The following RAPGEF2 variants were observed in gnomAD, a reference collection of about 807,000 sequenced individuals.
The protein encoded by RAPGEF2 is PDZ domain containing guanine nucleotide exchange factor (GEF) 1.
RAPGEF2 carries 54 observed loss-of-function variants against 186.7 expected under a neutral mutation model. The ratio of observed to expected loss-of-function variants is 0.29; its 90% CI spans 0.23 to 0.36. The LOEUF (loss-of-function observed/expected upper bound fraction) is 0.36. RAPGEF2 is among the 10% of genes least tolerant of loss of function. The pLI is 1.00. For synonymous variants in RAPGEF2, 712 were observed against 705.9 expected (o/e 1.01, Z -0.14); for missense variants, 1,532 against 2,045.0 (o/e 0.75, Z 4.84).
At chr4:159,193,310 C>A (rs1414833005) in intron 3 of RAPGEF2, 54 bp downstream of exon 3, 1 of 1,174,600 alleles carries the variant, frequency 8.5e-7, no homozygotes, top group African/African-American at 1.6e-5. Flanking sequence ...ACTAAATTTT[C>A]TTAAAGTATC....
At chr4:159,237,842 TAAAAAAAAAAAAA>T (rs58593781) in intron 4 of RAPGEF2, among the ~76,000 whole-genome samples, 3,127 of 67,012 alleles carry the variant, frequency 0.047, 177 homozygotes, top group African/African-American at 0.16. Flanking sequence ...CTACAAAAAT[TAAAAAAAAAAAAA>T]AAAAAAAAAA....
At chr4:159,328,319 AAATT>A (rs1766213374) in intron 11 of RAPGEF2, 1 of 152,170 alleles carries the variant, frequency 6.6e-6, no homozygotes, top group African/African-American at 2.4e-5. Context: ...TTTATTTATA[AAATT>A]AATGTGATAC....
intron 7 of RAPGEF2, among the ~76,000 whole-genome samples, chr4:159,283,115 C>T (rs1759954974): frequency 6.6e-6 from 1 of 152,092 alleles, no homozygotes; most frequent in African/African-American, 2.4e-5. Flanking sequence ...AAAACAAGCT[C>T]TTAAGGCTTA....
At chr4:159,117,342 A>G (rs546074086) in intron 1 of RAPGEF2, among the ~76,000 whole-genome samples, 2 of 152,314 alleles carry the variant, frequency 1.3e-5, no homozygotes, top group Non-Finnish European at 2.9e-5. Context: ...CACAAGCTTC[A>G]TTTAGAGTCA....
chr4:159,296,602 C>G (rs573919301), intron 7 of RAPGEF2, among the ~76,000 whole-genome samples: 3 of 152,254 alleles, frequency 2.0e-5, no homozygotes, highest in East Asian at 3.9e-4. Context: ...GAGGTTTCCT[C>G]CTACATAAAA....
intron 3 of RAPGEF2, among the ~76,000 whole-genome samples, chr4:159,204,376 A>C (rs1749751651): frequency 6.6e-6 from 1 of 152,178 alleles, no homozygotes; most frequent in Non-Finnish European, 1.5e-5. Flanking sequence ...AGTTGGAATG[A>C]ACAGAAGGAA....
At chr4:159,315,779 C>T (rs1764516175) in intron 9 of RAPGEF2, among the ~76,000 whole-genome samples, 1 of 152,204 alleles carries the variant, frequency 6.6e-6, no homozygotes, top group Non-Finnish European at 1.5e-5. Flanking sequence ...ATATCAGAGA[C>T]TTTTAGTACT....
chr4:159,319,338 A>G (rs1158246568), intron 9 of RAPGEF2, among the ~76,000 whole-genome samples: 1 of 152,178 alleles, frequency 6.6e-6, no homozygotes, highest in Non-Finnish European at 1.5e-5. Flanking sequence ...TGCATATGCA[A>G]GGGTTCTAAG....
chr4:159,107,755 C>T (rs1257733762), intron 1 of RAPGEF2, among the ~76,000 whole-genome samples: 1 of 152,148 alleles, frequency 6.6e-6, no homozygotes, highest in African/African-American at 2.4e-5. Flanking sequence ...GTAACTTTAG[C>T]TCAGAGAACT....
At chr4:159,158,664 A>G (rs1355668449) in intron 1 of RAPGEF2, among the ~76,000 whole-genome samples, 2 of 152,244 alleles carry the variant, frequency 1.3e-5, no homozygotes, top group East Asian at 1.9e-4. Flanking sequence ...AGAGATGACT[A>G]TAGTCACCTA....
At chr4:159,249,683 C>G (rs1022876806) in intron 7 of RAPGEF2, among the ~76,000 whole-genome samples, 6 of 151,250 alleles carry the variant, frequency 4.0e-5, no homozygotes, top group Non-Finnish European at 8.8e-5. Flanking sequence ...ATTATCTGTA[C>G]TATTTTAATA....
chr4:159,323,107 G>A (rs1234636075), intron 10 of RAPGEF2, among the ~76,000 whole-genome samples: 1 of 152,058 alleles, frequency 6.6e-6, no homozygotes, highest in African/African-American at 2.4e-5. Context: ...TAAATTTAAT[G>A]CATTTTGTCA....
intron 7 of RAPGEF2, among the ~76,000 whole-genome samples, chr4:159,276,930 AATT>A (rs950966667): frequency 1.3e-5 from 2 of 151,656 alleles, no homozygotes; most frequent in Non-Finnish European, 1.5e-5. Context: ...ATCTTTTTTT[AATT>A]ATTATTATAC....
At chr4:159,292,846 T>C (rs1010451677) in intron 7 of RAPGEF2, among the ~76,000 whole-genome samples, 4 of 152,216 alleles carry the variant, frequency 2.6e-5, no homozygotes, top group Non-Finnish European at 4.4e-5. Context: ...TAGATATTAG[T>C]GCTCTCCAAA....
At chr4:159,330,539 T>C in intron 13 of RAPGEF2, 41 bp downstream of exon 13, 1 of 1,435,686 alleles carries the variant, frequency 7.0e-7, no homozygotes, top group African/African-American at 1.4e-5. Flanking sequence ...ATATGAAATG[T>C]AAACCTAAAG....
At chr4:159,128,781 TAAAG>T (rs1218110704) in intron 1 of RAPGEF2, 2 of 150,096 alleles carry the variant, frequency 1.3e-5, no homozygotes, top group African/African-American at 2.4e-5. Flanking sequence ...TTTATTTAAA[TAAAG>T]AAGCTGAACC....
intron 7 of RAPGEF2, chr4:159,267,216 G>A (rs1415805856): frequency 1.5e-5 from 19 of 1,289,006 alleles, no homozygotes; most frequent in Non-Finnish European, 1.9e-5. Flanking sequence ...TTTCCTAAGA[G>A]GAATTTTTTA....
intron 17 of RAPGEF2, among the ~76,000 whole-genome samples, chr4:159,335,093 A>G (rs956079726): frequency 6.6e-5 from 10 of 152,154 alleles, no homozygotes; most frequent in Non-Finnish European, 1.5e-4. Context: ...TAGCAATTAG[A>G]GAAGTCTAGA....
intron 4 of RAPGEF2, among the ~76,000 whole-genome samples, chr4:159,224,104 G>T (rs1342778649): frequency 6.6e-6 from 1 of 152,058 alleles, no homozygotes; most frequent in African/African-American, 2.4e-5. Flanking sequence ...TTGCCATGTT[G>T]GCCAGGCTGG....
Sources: gnomAD v4.1 joint callset for allele counts (sites outside exome capture counted in the v4.1 genomes callset) on GRCh38, gnomAD v4.1.1 for gene constraint, MANE v1.5 for transcripts, NCBI Gene and HGNC (gene_info 2026-07-23, HGNC 2026-07-21) for gene names.